AGBL4: variants seen among roughly 807,000 people sequenced by gnomAD.
AGBL4 encodes cytosolic carboxypeptidase 6.
A neutral mutation model predicts 66.4 loss-of-function variants in AGBL4; 58 were observed. The observed-to-expected ratio is 0.87, with a 90% CI of 0.71 to 1.09. The LOEUF is 1.09. Among genes scored for constraint, AGBL4 ranks in the 50% least tolerant of loss-of-function variants. The pLI is 0.00. For synonymous variants in AGBL4, 234 were observed against 222.9 expected, an observed-to-expected ratio of 1.05 and a Z score of -0.44; for missense variants, 579 against 631.0, an observed-to-expected ratio of 0.92 and a Z score of 0.88.
At chr1:49,073,953 G>A (rs1435380335) in intron 4 of AGBL4, among the ~76,000 whole-genome samples, 2 of 152,156 alleles carry the variant, frequency 1.3e-5, no homozygotes, top group East Asian at 1.9e-4. Flanking sequence ...CCCAGCCCAC[G>A]AGGTGGAATC....
At chr1:48,674,016 C>G (rs1646321686) in intron 6 of AGBL4, among the ~76,000 whole-genome samples, 2 of 152,164 alleles carry the variant, frequency 1.3e-5, no homozygotes. Context: ...TCCCCATACA[C>G]TCGAAGTTAA....
intron 1 of AGBL4, chr1:49,994,943 C>T (rs1478285431): frequency 9.0e-5 from 32 of 355,838 alleles, no homozygotes; most frequent in South Asian, 6.2e-4. Context: ...AAGAGATGAG[C>T]GAAATATAGG....
chr1:49,754,599 T>C (rs1651752402), intron 2 of AGBL4, among the ~76,000 whole-genome samples: 1 of 152,148 alleles, frequency 6.6e-6, no homozygotes, highest in Non-Finnish European at 1.5e-5. Context: ...AGATGCCAGC[T>C]GGAGCTCTCC....
chr1:49,986,088 C>T (rs528103350), intron 1 of AGBL4, among the ~76,000 whole-genome samples: 3 of 152,042 alleles, frequency 2.0e-5, no homozygotes, highest in Non-Finnish European at 4.4e-5. Context: ...ATGTAACATA[C>T]ATACAGAAAA....
intron 3 of AGBL4, among the ~76,000 whole-genome samples, chr1:49,295,610 A>T (rs1207954383): frequency 6.6e-6 from 1 of 152,192 alleles, no homozygotes; most frequent in Non-Finnish European, 1.5e-5. Flanking sequence ...TTCAGTGAAA[A>T]AGATGGCACT....
rs928061372 is a variant in AGBL4 at position 49,382,100 on chromosome 1, T to C, written c.283-136236A>G. ...GGCTGATCCACATGAACATTTCTAG[T>C]ATGGATAAAAAAGACTTCCACTAGG... On this transcript the variant is annotated intron_variant, in intron 3 of 13. Transcript: ENST00000371839. Among the ~76,000 whole-genome samples the C allele has an allele frequency of 1.3e-5, 2 of 152,288 alleles. 1 individual carries two copies. Among genetic ancestry groups the C allele is most frequent in the Middle Eastern group, 6.8e-3 (2 of 294 alleles).
At chr1:49,451,544 C>T (rs1247854098) in intron 3 of AGBL4, among the ~76,000 whole-genome samples, 1 of 151,974 alleles carries the variant, frequency 6.6e-6, no homozygotes, top group Non-Finnish European at 1.5e-5. Context: ...GTAGCAAACA[C>T]CAGGGCAGTC....
chr1:48,794,467 GTTA>G (rs1417255231), intron 6 of AGBL4, among the ~76,000 whole-genome samples: 4 of 152,122 alleles, frequency 2.6e-5, no homozygotes, highest in Non-Finnish European at 2.9e-5. Flanking sequence ...GCTATGCATA[GTTA>G]TTATAAACAT....
At chr1:48,781,211 CAG>C (rs36043881) in intron 6 of AGBL4, among the ~76,000 whole-genome samples, 11,625 of 152,226 alleles carry the variant, frequency 0.076, 650 homozygotes, top group East Asian at 0.31. Flanking sequence ...CGGATGCTGA[CAG>C]AGTAAACACA....
intron 4 of AGBL4, among the ~76,000 whole-genome samples, chr1:49,113,808 T>C (rs910456177): frequency 6.6e-6 from 1 of 152,220 alleles, no homozygotes; most frequent in African/African-American, 2.4e-5. Flanking sequence ...ATGTGCATTG[T>C]CAGTGAGCTG....
chr1:49,664,084 T>C (rs2124501440), intron 3 of AGBL4, among the ~76,000 whole-genome samples: 1 of 152,178 alleles, frequency 6.6e-6, no homozygotes, highest in Middle Eastern at 3.4e-3. Context: ...AATTATTTTT[T>C]ATAGAATTCA....
intron 9 of AGBL4, among the ~76,000 whole-genome samples, chr1:48,592,045 T>G (rs35615859): frequency 6.6e-6 from 1 of 152,194 alleles, no homozygotes; most frequent in African/African-American, 2.4e-5. Context: ...AGATCTTCAA[T>G]TGCCCTCAAA....
chr1:48,930,263 C>T (rs972964421), intron 5 of AGBL4, among the ~76,000 whole-genome samples: 1 of 152,038 alleles, frequency 6.6e-6, no homozygotes, highest in African/African-American at 2.4e-5. Context: ...TTGGCACGCT[C>T]TGCCATCTGG....
intron 3 of AGBL4, among the ~76,000 whole-genome samples, chr1:49,384,613 A>C (rs1644696944): frequency 6.6e-6 from 1 of 151,986 alleles, no homozygotes; most frequent in African/African-American, 2.4e-5. Flanking sequence ...AACAAACAAA[A>C]ACAAAGCAAA....
In AGBL4 at chr1:48,864,511, A is replaced by T. The variant is rs1206156854; in HGVS notation, c.634+2680T>A. ...TATTTGCAATTGCAAGTGGCTATAAATAACCTAAATTCTGATCAATACAAT... is the reference window on the plus strand; with the variant it reads ...TATTTGCAATTGCAAGTGGCTATAATTAACCTAAATTCTGATCAATACAAT... On this transcript the variant is annotated intron_variant, in intron 6 of 13. Transcript: ENST00000371839. Among the ~76,000 whole-genome samples, 4 of 152,214 alleles carry T rather than the reference A, an allele frequency of 2.6e-5. No individual in the cohort carries two copies. The East Asian group carries it at 7.7e-4, about 29-fold the overall frequency.
intron 6 of AGBL4, chr1:48,818,048 G>C (rs1035283170): frequency 2.8e-6 from 2 of 707,610 alleles, no homozygotes; most frequent in African/African-American, 3.5e-5. Context: ...ATTCATATCT[G>C]ATAGTCAAAT....
chr1:48,529,869 T>C (rs1643896745), downstream of AGBL4, among the ~76,000 whole-genome samples: 12 of 152,032 alleles, frequency 7.9e-5, no homozygotes, highest in Admixed American at 7.9e-4. Flanking sequence ...TAAACGCTGC[T>C]CTCTGGAGGA....
Position 48,769,181 on chromosome 1 carries a change from T to C in AGBL4, c.634+98010A>G, listed in dbSNP as rs12061920. Among the ~76,000 whole-genome samples, 534 of 152,246 alleles carry C rather than the reference T, an allele frequency of 3.5e-3. 4 individuals carry two copies. The highest frequency in any genetic ancestry group is 0.012 in the African/African-American group (505 of 41,540). ...AGGTCTCTTTCTCAGCTGTGTAATG[T>C]AGGGTAACAGTAGATGAGCTAGAAG... is the stretch of plus-strand genomic sequence containing the variant. On this transcript the variant is annotated intron_variant, in intron 6 of 13. Transcript: ENST00000371839.
At chr1:48,597,920 G>A (rs1436018371) in intron 9 of AGBL4, among the ~76,000 whole-genome samples, 1 of 150,070 alleles carries the variant, frequency 6.7e-6, no homozygotes, top group Non-Finnish European at 1.5e-5. Context: ...AAGGAAGGAA[G>A]GAAGAAAAAG....
Sources: allele counts gnomAD v4.1 joint callset (sites outside exome capture counted in the v4.1 genomes callset), GRCh38; gene constraint gnomAD v4.1.1; transcripts MANE v1.5; gene names NCBI Gene and HGNC (gene_info 2026-07-23, HGNC 2026-07-21).